TANC1: variants seen among roughly 807,000 people sequenced by gnomAD.
TANC1 encodes tetratricopeptide repeat, ankyrin repeat and coiled-coil containing 1, also known as protein TANC1.
Under a neutral mutation model 149.7 loss-of-function variants are expected in TANC1, and 77 were observed. The ratio of observed to expected loss-of-function variants is 0.51; its 90% CI spans 0.43 to 0.62. The LOEUF (loss-of-function observed/expected upper bound fraction) is 0.62, where lower values mean the gene tolerates loss of function less well. Ranked by LOEUF, TANC1 falls within the 20% of genes least tolerant of loss-of-function variation. TANC1 has a pLI of 0.00. For missense variants in TANC1, 1,985 were observed against 2,321.8 expected (o/e 0.85, Z 2.98); for synonymous variants, 854 against 925.0 (o/e 0.92, Z 1.39).
chr2:159,041,772 T>C (rs2040657023), intron 2 of TANC1, among the ~76,000 whole-genome samples: 1 of 152,312 alleles, frequency 6.6e-6, no homozygotes, highest in African/African-American at 2.4e-5. Context: ...TGCTTTGGCT[T>C]GCCCTCTGTG....
At chr2:159,227,471 A>T (rs1472175803) in intron 24 of TANC1, 1 of 234,886 alleles carries the variant, frequency 4.3e-6, no homozygotes, top group African/African-American at 2.3e-5. Flanking sequence ...GCATTCAAAT[A>T]GATTTGAGAT....
At chr2:159,113,811 G>A (rs1255459806) in intron 4 of TANC1, among the ~76,000 whole-genome samples, 3 of 152,342 alleles carry the variant, frequency 2.0e-5, no homozygotes, top group African/African-American at 7.2e-5. Flanking sequence ...AGCCTGGGCA[G>A]CATAGTGAGA....
chr2:159,082,382 A>G (rs1351592539), intron 3 of TANC1, among the ~76,000 whole-genome samples: 2 of 152,204 alleles, frequency 1.3e-5, no homozygotes, highest in Non-Finnish European at 2.9e-5. Context: ...AAAAAAAAAA[A>G]AAAGACGGTG....
intron 2 of TANC1, among the ~76,000 whole-genome samples, chr2:159,022,718 A>G (rs1007539513): frequency 2.0e-5 from 3 of 152,146 alleles, no homozygotes; most frequent in African/African-American, 7.2e-5. Context: ...AGCCTGGGCA[A>G]TAGAGCAAGA....
At chr2:159,094,340 G>A (rs1190740783) in intron 3 of TANC1, among the ~76,000 whole-genome samples, 2 of 152,190 alleles carry the variant, frequency 1.3e-5, no homozygotes, top group South Asian at 2.1e-4. Flanking sequence ...TGGGGCTGTG[G>A]CCTCAGTGCT....
chr2:159,055,249 G>A (rs962702604), intron 2 of TANC1, among the ~76,000 whole-genome samples: 2 of 152,236 alleles, frequency 1.3e-5, no homozygotes, highest in African/African-American at 4.8e-5. Flanking sequence ...TGTGAGAGGA[G>A]GAGACCACGA....
At chr2:159,085,323 A>G (rs2044725315) in intron 3 of TANC1, among the ~76,000 whole-genome samples, 1 of 152,136 alleles carries the variant, frequency 6.6e-6, no homozygotes, top group Admixed American at 6.5e-5. Context: ...TGAGCTAAAG[A>G]ACTCTCTTTT....
chr2:159,067,453 A>G (rs2042770832), intron 3 of TANC1, among the ~76,000 whole-genome samples: 1 of 152,190 alleles, frequency 6.6e-6, no homozygotes, highest in African/African-American at 2.4e-5. Context: ...GGCTTTGAAT[A>G]ATTGATTAGA....
In TANC1 at chr2:159,227,725, G is replaced by C. The variant is rs13413691; in HGVS notation, c.3904-94G>C. Reference sequence around the variant, plus strand: ...TCAATGTTCTGTCGTGGGTTTGCAGGGGGGAGTAAACTCCCCACGGTGTTC... The same window carrying C: ...TCAATGTTCTGTCGTGGGTTTGCAGCGGGGAGTAAACTCCCCACGGTGTTC... On this transcript the variant is annotated intron_variant, in intron 24 of 26. Coordinates refer to ENST00000263635, the MANE Select transcript of TANC1 (RefSeq NM_033394.3). The C allele has an allele frequency of 1.2e-5, 16 of 1,360,976 alleles. No homozygotes were observed. The East Asian group carries it at 1.2e-4, about 10-fold the overall frequency. The allele number at this position is 1,360,976 out of a possible 1,614,324, so 84.3% of individuals were successfully genotyped here.
At chr2:159,200,779 C>T (rs1009733608) in intron 19 of TANC1, among the ~76,000 whole-genome samples, 3 of 152,206 alleles carry the variant, frequency 2.0e-5, no homozygotes, top group African/African-American at 2.4e-5. Context: ...GCTGTGTTCT[C>T]GTCAGAGACT....
chr2:159,159,691 C>CGTGTGT (rs371748384), intron 7 of TANC1, among the ~76,000 whole-genome samples: 61 of 118,016 alleles, frequency 5.2e-4, no homozygotes, highest in African/African-American at 1.2e-3. Context: ...CATACACATA[C>CGTGTGT]GTGTGTGTGT....
chr2:159,019,257 G>A (rs964424327), intron 2 of TANC1, among the ~76,000 whole-genome samples: 1 of 152,186 alleles, frequency 6.6e-6, no homozygotes, highest in African/African-American at 2.4e-5. Context: ...CAGCAGCCAC[G>A]CAGTGAGCTG....
intron 1 of TANC1, among the ~76,000 whole-genome samples, chr2:158,985,977 T>G (rs948741364): frequency 2.0e-5 from 3 of 152,226 alleles, no homozygotes; most frequent in African/African-American, 7.2e-5. Context: ...GTGAATCTTG[T>G]GCTTTTTGAA....
At chr2:159,176,329 GA>G (rs773999791) in intron 12 of TANC1, 22 bp from the exon 13 acceptor site, 1 of 1,383,840 alleles carries the variant, frequency 7.2e-7, no homozygotes, top group East Asian at 2.5e-5. Context: ...TTCTTAATTT[GA>G]AAAAATTATT....
chr2:159,213,816 C>T (rs1376949261), intron 19 of TANC1, among the ~76,000 whole-genome samples: 2 of 152,030 alleles, frequency 1.3e-5, no homozygotes, highest in Non-Finnish European at 2.9e-5. Context: ...ATGCGCTGGG[C>T]CCCAAGGTAT....
intron 2 of TANC1, among the ~76,000 whole-genome samples, chr2:159,012,923 G>A (rs1383432467): frequency 6.6e-6 from 1 of 152,098 alleles, no homozygotes; most frequent in Non-Finnish European, 1.5e-5. Flanking sequence ...TTCTCTTCTT[G>A]TTGGTAGTTT....
intron 1 of TANC1, among the ~76,000 whole-genome samples, chr2:158,987,730 GACAGGTTAC>G (rs2035173546): frequency 6.6e-6 from 1 of 152,134 alleles, no homozygotes; most frequent in African/African-American, 2.4e-5. Flanking sequence ...TATGACCCTG[GACAGGTTAC>G]ACAGCCTCCC....
intron 1 of TANC1, among the ~76,000 whole-genome samples, chr2:158,978,126 G>C (rs1200432768): frequency 6.6e-6 from 1 of 152,120 alleles, no homozygotes; most frequent in Non-Finnish European, 1.5e-5. Flanking sequence ...TAGGCTTTTT[G>C]ATGGTAGGGG....
At chr2:159,016,104 A>G (rs1298177339) in intron 2 of TANC1, among the ~76,000 whole-genome samples, 2 of 152,234 alleles carry the variant, frequency 1.3e-5, no homozygotes, top group African/African-American at 4.8e-5. Context: ...CCCAAGACTG[A>G]GCAGTTTACA....
Sources: gnomAD v4.1 joint callset for allele counts (sites outside exome capture counted in the v4.1 genomes callset) on GRCh38, gnomAD v4.1.1 for gene constraint, MANE v1.5 for transcripts, NCBI Gene and HGNC (gene_info 2026-07-23, HGNC 2026-07-21) for gene names.